The following MEF2C variants were observed in gnomAD, a reference collection of about 807,000 sequenced individuals.
The protein encoded by MEF2C is myocyte-specific enhancer factor 2C.
Under a neutral mutation model 50.5 loss-of-function variants are expected in MEF2C, and 6 were observed. The ratio of observed to expected loss-of-function variants is 0.12; its 90% confidence interval spans 0.07 to 0.23. The LOEUF (loss-of-function observed/expected upper bound fraction) is 0.23. Ranked by LOEUF, MEF2C falls within the 10% of genes least tolerant of loss-of-function variation. The pLI, the probability that MEF2C is intolerant of heterozygous loss-of-function variation, is 1.00. For synonymous variants in MEF2C, 183 were observed against 228.0 expected, an observed-to-expected ratio of 0.80 and a Z score of 1.78; for missense variants, 276 against 605.0, an observed-to-expected ratio of 0.46 and a Z score of 5.70.
chr5:88,759,273 A>C (rs565349070), intron 4 of MEF2C, among the ~76,000 whole-genome samples: 17 of 152,348 alleles, frequency 1.1e-4, no homozygotes, highest in Non-Finnish European at 2.2e-4. Flanking sequence ...ACCTAAGGTC[A>C]GGAGTTTGAG....
At chr5:88,824,154 C>A (rs1809797914) in intron 1 of MEF2C, 2 of 927,168 alleles carry the variant, frequency 2.2e-6, no homozygotes, top group Middle Eastern at 5.4e-4. Context: ...TTTAACAAGT[C>A]ATTTAAATGA....
intron 6 of MEF2C, chr5:88,743,094 C>T: frequency 1.0e-6 from 1 of 968,682 alleles, no homozygotes; most frequent in Non-Finnish European, 1.2e-6. Flanking sequence ...AAAACAGAAC[C>T]CAACTATTAA....
Position 88,751,946 on chromosome 5 carries a change from G to T in MEF2C, c.500C>A (p.Pro167His), listed in dbSNP as rs1269161698. ...YSNPVSSLGN[P>H]NLLPLAHPSL... ...AGGGTGAGCCAGTGGCAATAGGTTG[G>T]GGTTTCCCAGTGAGCTGACAGGGTT... Residue 167 changes from proline (P) to histidine (H), a missense_variant, in exon 5 of 11, where the codon CCC becomes CAC. Around this residue, in one of 2 missense-constraint regions of MEF2C, gnomAD observed 256 missense variants for 468.1 expected, o/e 0.55. Transcript: ENST00000504921. 1 of 1,614,012 alleles carries T rather than the reference G, an allele frequency of 6.2e-7. No homozygotes were observed. The highest frequency in any genetic ancestry group is 2.2e-5 in the East Asian group (1 of 44,886).
chr5:88,860,293 G>C lies in MEF2C; in HGVS notation c.-143+22662C>G, dbSNP rs117012013. ...AATCCTGCTACTTCTAATGTGGACAGGTGAATAAATGCATGAAACTATTTG... is the reference window on the plus strand; with the variant it reads ...AATCCTGCTACTTCTAATGTGGACACGTGAATAAATGCATGAAACTATTTG... On this transcript the variant is annotated intron_variant, in intron 1 of 10. Coordinates refer to ENST00000504921, the MANE Select transcript of MEF2C (RefSeq NM_002397.5). 5.8e-4 allele frequency among the ~76,000 whole-genome samples: 88 copies of C among 151,896 alleles called. No individual in the cohort carries two copies. The East Asian group carries it at 0.016, about 28-fold the overall frequency.
intron 1 of MEF2C, among the ~76,000 whole-genome samples, chr5:88,844,042 C>T (rs550158439): frequency 2.0e-5 from 3 of 152,238 alleles, no homozygotes; most frequent in Admixed American, 6.5e-5. Flanking sequence ...GATCTCCTGA[C>T]CTCGTGATCC....
intron 1 of MEF2C, among the ~76,000 whole-genome samples, chr5:88,877,102 C>T (rs1457525940): frequency 6.6e-6 from 1 of 151,996 alleles, no homozygotes; most frequent in African/African-American, 2.4e-5. Context: ...TTCAAATTTA[C>T]AGCATTAAGA....
chr5:88,771,474 GTACC>G, intron 3 of MEF2C: 1 of 985,362 alleles, frequency 1.0e-6, no homozygotes, highest in Non-Finnish European at 1.2e-6. Context: ...TCCCTTTTCT[GTACC>G]TGTACAGTCC....
At position 88,819,887 on chromosome 5, in the gene MEF2C, T is replaced by C. The variant is rs542780188; in HGVS notation, c.54+3848A>G. Among the ~76,000 whole-genome samples, 7 of 152,026 alleles carry C rather than the reference T, an allele frequency of 4.6e-5. No individual in the cohort carries two copies. In the South Asian group the frequency reaches 1.0e-3, roughly 23 times the overall value. ...TATATGGCTCACAAGGCTAAAAATA[T>C]TTGCTATGTGGTCCTTTACAGGAAA... On this transcript the variant is annotated intron_variant, in intron 2 of 10. Coordinates refer to ENST00000504921, the MANE Select transcript of MEF2C (RefSeq NM_002397.5).
intron 3 of MEF2C, among the ~76,000 whole-genome samples, chr5:88,769,174 G>A (rs754931323): frequency 6.6e-6 from 1 of 152,210 alleles, no homozygotes; most frequent in Non-Finnish European, 1.5e-5. Context: ...GGAAATTTGT[G>A]AATGTGAGTC....
chr5:88,823,658 T>C (rs1209730678), intron 2 of MEF2C, 77 bp downstream of exon 2: 21 of 1,329,558 alleles, frequency 1.6e-5, no homozygotes, highest in Non-Finnish European at 2.1e-5. Flanking sequence ...AGATTCAAGA[T>C]ATTTTCTGTA....
chr5:88,740,424 A>G, intron 6 of MEF2C: 1 of 985,322 alleles, frequency 1.0e-6, no homozygotes, highest in Non-Finnish European at 1.2e-6. Flanking sequence ...GTGTTGGCGA[A>G]CATTTTCTCA....
chr5:88,761,443 T>A, intron 3 of MEF2C, 115 bp from the exon 4 acceptor site: 1 of 1,248,256 alleles, frequency 8.0e-7, no homozygotes, highest in Non-Finnish European at 1.1e-6. Context: ...TGCTTTATTC[T>A]ATTAGGGAAG....
chr5:88,766,783 T>A (rs775262444), intron 3 of MEF2C: 1 of 985,288 alleles, frequency 1.0e-6, no homozygotes, highest in African/African-American at 1.7e-5. Flanking sequence ...CAAGAACACA[T>A]GCAGGAATTA....
intron 3 of MEF2C, among the ~76,000 whole-genome samples, chr5:88,765,503 T>TTTGTTC (rs1779655143): frequency 6.6e-6 from 1 of 152,208 alleles, no homozygotes; most frequent in Non-Finnish European, 1.5e-5. Flanking sequence ...GAATTTCTGT[T>TTTGTTC]AGATTCAGCC....
intron 3 of MEF2C, among the ~76,000 whole-genome samples, chr5:88,796,313 C>G (rs1796011889): frequency 6.6e-6 from 1 of 152,156 alleles, no homozygotes; most frequent in Admixed American, 6.5e-5. Context: ...GCCTCAATTT[C>G]AGCACTTGTT....
intron 3 of MEF2C, among the ~76,000 whole-genome samples, chr5:88,802,450 G>A (rs1279781905): frequency 6.6e-6 from 1 of 152,044 alleles, no homozygotes; most frequent in Admixed American, 6.6e-5. Flanking sequence ...TTTTTTTGTT[G>A]TTGTTGTTGT....
chr5:88,759,209 G>A (rs749080069), intron 4 of MEF2C, among the ~76,000 whole-genome samples: 11 of 152,032 alleles, frequency 7.2e-5, no homozygotes, highest in Non-Finnish European at 1.0e-4. Context: ...ATGGCGTGGC[G>A]CAGTGGCTCA....
At chr5:88,807,581 C>T (rs1339015076) in intron 2 of MEF2C, among the ~76,000 whole-genome samples, 1 of 152,168 alleles carries the variant, frequency 6.6e-6, no homozygotes, top group Non-Finnish European at 1.5e-5. Flanking sequence ...ATTTGTAAAA[C>T]AGAGATTTAT....
chr5:88,774,161 G>A (rs1783698076), intron 3 of MEF2C, among the ~76,000 whole-genome samples: 1 of 151,954 alleles, frequency 6.6e-6, no homozygotes, highest in Non-Finnish European at 1.5e-5. Flanking sequence ...CAGTTGACCT[G>A]GAGGTAGAAG....
Sources: allele counts gnomAD v4.1 joint callset (sites outside exome capture counted in the v4.1 genomes callset), GRCh38; gene constraint gnomAD v4.1.1; regional missense constraint gnomAD v4.1.1; transcripts MANE v1.5; gene names NCBI Gene and HGNC (gene_info 2026-07-23, HGNC 2026-07-21).